GIGYF2: variants seen among roughly 807,000 people sequenced by gnomAD.
The protein encoded by GIGYF2 is GRB10 interacting GYF protein 2.
GIGYF2 carries 25 observed loss-of-function variants against 208.1 expected under a neutral mutation model. That is an observed-to-expected ratio of 0.12 (90% confidence interval 0.09 to 0.17). The LOEUF is 0.17. Among genes scored for constraint, GIGYF2 ranks in the 10% least tolerant of loss-of-function variants. The pLI, the probability that GIGYF2 is intolerant of heterozygous loss-of-function variation, is 1.00. For missense variants in GIGYF2, 1,302 were observed against 1,579.4 expected (o/e 0.82, Z 2.98); for synonymous variants, 534 against 543.8 (o/e 0.98, Z 0.25).
At chr2:232,766,819 C>G (rs1408420883) in intron 8 of GIGYF2, 2 of 152,164 alleles carry the variant, frequency 1.3e-5, no homozygotes, top group Non-Finnish European at 2.9e-5. Flanking sequence ...AGAGATGATT[C>G]CTGCCTAGGT....
intron 8 of GIGYF2, chr2:232,766,039 G>A (rs191606103): frequency 1.5e-5 from 7 of 470,684 alleles, no homozygotes; most frequent in East Asian, 7.0e-5. Flanking sequence ...AGTAATTTCC[G>A]CCCTTTTTCC....
At position 232,710,785 on chromosome 2, in the gene GIGYF2, C is replaced by T. The variant is rs960719744; in HGVS notation, c.-44+7296C>T. ...GCGATTCTCGGCTCACTGCAACCTCCGTCTCCTGGGTTCAAGCGATTCTCC... is the reference window on the plus strand; with the variant it reads ...GCGATTCTCGGCTCACTGCAACCTCTGTCTCCTGGGTTCAAGCGATTCTCC... On this transcript the variant is annotated intron_variant, in intron 2 of 28. Transcript: ENST00000373563. Among the ~76,000 whole-genome samples the T allele has an allele frequency of 8.0e-5, 12 of 150,884 alleles. No homozygotes were observed. The East Asian group carries it at 2.3e-3, about 29-fold the overall frequency.
At chr2:232,749,987 C>T (rs1281846951) in intron 5 of GIGYF2, among the ~76,000 whole-genome samples, 2 of 152,032 alleles carry the variant, frequency 1.3e-5, no homozygotes, top group African/African-American at 2.4e-5. Context: ...GAGTTCGAGA[C>T]TAGCCTGGCC....
chr2:232,712,874 G>A (rs1162777331), intron 2 of GIGYF2, among the ~76,000 whole-genome samples: 1 of 152,090 alleles, frequency 6.6e-6, no homozygotes, highest in Non-Finnish European at 1.5e-5. Context: ...AAGGTTTTTA[G>A]ATATTACTGA....
intron 14 of GIGYF2, among the ~76,000 whole-genome samples, chr2:232,799,432 C>T (rs1236424208): frequency 2.0e-5 from 3 of 151,450 alleles, no homozygotes; most frequent in African/African-American, 7.3e-5. Context: ...TGCCTGTAGT[C>T]CCAACTACTC....
chr2:232,789,764 G>A (rs745758802), intron 9 of GIGYF2, among the ~76,000 whole-genome samples: 3 of 151,898 alleles, frequency 2.0e-5, no homozygotes, highest in Non-Finnish European at 4.4e-5. Context: ...ATTCTAATAG[G>A]TTAAAGCCTG....
At position 232,847,413 on chromosome 2, in the gene GIGYF2, G is replaced by C; in HGVS notation, c.3526G>C (p.Ala1176Pro). 6.2e-7 allele frequency: 1 copy of C among 1,613,554 alleles called. No individual in the cohort carries two copies. The highest frequency in any genetic ancestry group is 8.5e-7 in the Non-Finnish European group (1 of 1,179,676). ...SPYEVHDYIRAYLGDTSEAKE... is the reference protein window; with the variant it reads ...SPYEVHDYIRPYLGDTSEAKE... ...TTATGAGGTCCATGATTATATCAGG[G>C]CCTATTTAGGAGATACTTCTGAGGC... The change falls in exon 27 of 29, where the codon GCC (alanine) becomes CCC (proline). Residue 1176 changes from alanine to proline, a missense_variant. Physicochemically the swap from Ala to Pro is conservative, Grantham distance 27 (BLOSUM62 -1). Coordinates refer to ENST00000373563, the MANE Select transcript of GIGYF2 (RefSeq NM_001103146.3).
intron 21 of GIGYF2, among the ~76,000 whole-genome samples, chr2:232,832,265 T>G (rs1553536826): frequency 6.6e-6 from 1 of 152,070 alleles, no homozygotes; most frequent in Non-Finnish European, 1.5e-5. Context: ...CTTAGTGAAA[T>G]GAGTTCCGCA....
At chr2:232,842,140 CT>C (rs1363249564) in intron 23 of GIGYF2, among the ~76,000 whole-genome samples, 1 of 152,138 alleles carries the variant, frequency 6.6e-6, no homozygotes, top group Non-Finnish European at 1.5e-5. Flanking sequence ...ACGCCCTACC[CT>C]TTTTATCTTT....
chr2:232,707,366 A>C (rs76041352), intron 2 of GIGYF2, among the ~76,000 whole-genome samples: 332 of 152,268 alleles, frequency 2.2e-3, no homozygotes, highest in African/African-American at 7.7e-3. Context: ...CTCCTGTACA[A>C]CAAGAATTTG....
In GIGYF2 at chr2:232,825,295, T is replaced by G. The variant is rs568049324; in HGVS notation, c.2529+5310T>G. The stretch of plus-strand genomic sequence containing the variant: ...TGGGCAGAGTAAATTGAAAACCTTC[T>G]GTAAAGGATTTGCCATTCCAGATGC... On this transcript the variant is annotated intron_variant, in intron 21 of 28. Coordinates refer to ENST00000373563, the MANE Select transcript of GIGYF2 (RefSeq NM_001103146.3). Among the ~76,000 whole-genome samples, 103 of 152,322 alleles carry G rather than the reference T, an allele frequency of 6.8e-4. 1 individual carries two copies. Among genetic ancestry groups the G allele is most frequent in the Non-Finnish European group, 1.3e-3 (89 of 68,032 alleles).
intron 8 of GIGYF2, among the ~76,000 whole-genome samples, chr2:232,784,390 T>TTC (rs1699834711): frequency 1.8e-5 from 2 of 109,870 alleles, no homozygotes; most frequent in South Asian, 3.0e-4. Flanking sequence ...TAATTTCTTT[T>TTC]TTTTTTTTTT....
At chr2:232,720,546 C>T (rs1231751921) in intron 2 of GIGYF2, among the ~76,000 whole-genome samples, 3 of 150,938 alleles carry the variant, frequency 2.0e-5, no homozygotes, top group Admixed American at 1.3e-4. Flanking sequence ...AACTAGTTTA[C>T]ACTCCTACCA....
chr2:232,805,763 C>T (rs1208902444), intron 14 of GIGYF2, among the ~76,000 whole-genome samples: 1 of 152,172 alleles, frequency 6.6e-6, no homozygotes, highest in Non-Finnish European at 1.5e-5. Flanking sequence ...TATATTAATA[C>T]AATGTCCAGG....
intron 5 of GIGYF2, among the ~76,000 whole-genome samples, chr2:232,755,517 T>C: frequency 6.6e-6 from 1 of 152,222 alleles, no homozygotes; most frequent in South Asian, 2.1e-4. Flanking sequence ...AGGAGAACCC[T>C]TGGCTACAGA....
At chr2:232,852,515 T>A in intron 28 of GIGYF2, among the ~76,000 whole-genome samples, 1 of 152,144 alleles carries the variant, frequency 6.6e-6, no homozygotes, top group East Asian at 1.9e-4. Context: ...GCCACTGCAC[T>A]CCAGCCTGTG....
intron 8 of GIGYF2, chr2:232,766,649 T>G (rs1304894266): frequency 6.6e-6 from 1 of 152,326 alleles, no homozygotes; most frequent in Non-Finnish European, 1.5e-5. Context: ...ATAATTAAGT[T>G]TCTGTGTTCT....
chr2:232,772,412 A>G lies in GIGYF2; in HGVS notation c.532+10976A>G, dbSNP rs563291510. Reference sequence around the variant, plus strand: ...ACATTTCTGGATAGCATTAGCTTTAAAAGTAAGTAAACTAGAAGAAAAAGG... The same window carrying G: ...ACATTTCTGGATAGCATTAGCTTTAGAAGTAAGTAAACTAGAAGAAAAAGG... On this transcript the variant is annotated intron_variant, in intron 8 of 28. Transcript: ENST00000373563. 3.7e-4 allele frequency among the ~76,000 whole-genome samples: 56 copies of G among 152,334 alleles called. 1 individual carries two copies. In the South Asian group the frequency reaches 0.012, roughly 32 times the overall value.
intron 12 of GIGYF2, among the ~76,000 whole-genome samples, chr2:232,794,473 C>T (rs886392722): frequency 3.9e-5 from 6 of 152,164 alleles, no homozygotes; most frequent in African/African-American, 1.4e-4. Flanking sequence ...AAGAGGTCAA[C>T]CTGTAACTGG....
Sources: allele counts gnomAD v4.1 joint callset (sites outside exome capture counted in the v4.1 genomes callset), GRCh38; gene constraint gnomAD v4.1.1; transcripts MANE v1.5; gene names NCBI Gene and HGNC (gene_info 2026-07-23, HGNC 2026-07-21).